Variants in SC5D observed in about 807,000 individuals in gnomAD.
The protein encoded by SC5D is lathosterol oxidase.
In SC5D, 21 loss-of-function variants were observed where a neutral mutation model predicts 23.9. The observed-to-expected ratio is 0.88, with a 90% CI of 0.62 to 1.26. The LOEUF (loss-of-function observed/expected upper bound fraction) is 1.26, where lower values mean the gene tolerates loss of function less well. Among genes scored for constraint, SC5D ranks in the 50% most tolerant of loss-of-function variants. The pLI, the probability that SC5D is intolerant of heterozygous loss-of-function variation, is 0.00. For missense variants in SC5D, 309 were observed against 364.8 expected (o/e 0.85, Z 1.25); for synonymous variants, 113 against 125.9 (o/e 0.90, Z 0.68).
Position 121,307,893 on chromosome 11 carries a change from T to C in SC5D, c.*381T>C, listed in dbSNP as rs1366762497. On this transcript the variant is annotated 3_prime_UTR_variant, in exon 5 of 5. Transcript: ENST00000264027. ...GTTTATTAAGAATCATTGTGCTTAA[T>C]AATACCAAGACTAAGCACCATAACC... 1 of 174,930 alleles carries C rather than the reference T, an allele frequency of 5.7e-6. No individual in the cohort carries two copies. The highest frequency in any genetic ancestry group is 2.4e-5 in the African/African-American group (1 of 41,770). 10.8% of individuals were successfully genotyped at this position (174,930 alleles called of 1,614,324 possible). A position where few individuals can be genotyped will look rare whatever the true frequency, so the allele number is the denominator to read the frequency against.
intron 2 of SC5D, chr11:121,304,150 G>T (rs748789561): frequency 2.0e-6 from 1 of 507,844 alleles, no homozygotes; most frequent in Non-Finnish European, 3.5e-6. Flanking sequence ...AAAGGTTTCA[G>T]AATTTGAAAT....
chr11:121,302,721 G>T (rs1279186756), intron 1 of SC5D, among the ~76,000 whole-genome samples: 1 of 152,106 alleles, frequency 6.6e-6, no homozygotes, highest in African/African-American at 2.4e-5. Context: ...TTGGCCCGTG[G>T]GCTGCAATTT....
chr11:121,293,926 T>A (rs1947871056), intron 1 of SC5D, among the ~76,000 whole-genome samples: 1 of 152,254 alleles, frequency 6.6e-6, no homozygotes. Context: ...TGTTGCTTGC[T>A]ACTGAACAAG....
chr11:121,301,190 C>G (rs1213183037), intron 1 of SC5D, among the ~76,000 whole-genome samples: 1 of 152,084 alleles, frequency 6.6e-6, no homozygotes, highest in East Asian at 1.9e-4. Flanking sequence ...GGCAAAGACT[C>G]TAAATCAGCT....
intron 2 of SC5D, chr11:121,303,791 A>G (rs1007187069): frequency 1.8e-5 from 10 of 550,830 alleles, no homozygotes; most frequent in Middle Eastern, 4.9e-4. Flanking sequence ...TAATAAAACT[A>G]TAAGTCTAGT....
intron 1 of SC5D, among the ~76,000 whole-genome samples, chr11:121,298,432 T>C (rs1947904114): frequency 6.6e-6 from 1 of 152,238 alleles, no homozygotes; most frequent in South Asian, 2.1e-4. Flanking sequence ...AATTACTTAA[T>C]GCTTGAAATG....
intron 1 of SC5D, among the ~76,000 whole-genome samples, chr11:121,294,445 C>T (rs1947875283): frequency 6.6e-6 from 1 of 152,114 alleles, no homozygotes; most frequent in African/African-American, 2.4e-5. Context: ...ATGCAAGTTA[C>T]TTAAAATTTC....
At chr11:121,301,815 G>T (rs921895114) in intron 1 of SC5D, among the ~76,000 whole-genome samples, 1 of 151,812 alleles carries the variant, frequency 6.6e-6, no homozygotes, top group Non-Finnish European at 1.5e-5. Flanking sequence ...TATTTATGTA[G>T]GGATGGAAAG....
In SC5D at chr11:121,307,138, C is replaced by G. The variant is rs777476269; in HGVS notation, c.526C>G (p.Gln176Glu). 39 of 1,614,130 alleles carry G rather than the reference C, an allele frequency of 2.4e-5. No individual in the cohort carries two copies. Among genetic ancestry groups the G allele is most frequent in the Non-Finnish European group, 3.3e-5 (39 of 1,179,980 alleles). Reference sequence around the variant, plus strand: ...TTTTCACCCTATTGATGGCTTTCTTCAGAGTCTACCTTACCATATATACCC... The same window carrying G: ...TTTTCACCCTATTGATGGCTTTCTTGAGAGTCTACCTTACCATATATACCC... The part of the protein sequence containing the change: ...HAFHPIDGFL[Q>E]SLPYHIYPFI... The change falls in exon 5 of 5, where the codon CAG becomes GAG. Residue 176 changes from glutamine to glutamate, a missense_variant. Coordinates refer to ENST00000264027, the MANE Select transcript of SC5D (RefSeq NM_006918.5).
chr11:121,301,130 A>G (rs764115878), intron 1 of SC5D, among the ~76,000 whole-genome samples: 43 of 152,168 alleles, frequency 2.8e-4, no homozygotes, highest in Middle Eastern at 3.2e-3. Context: ...CAAAAAGGCA[A>G]TCAGTCAGTA....
intron 1 of SC5D, among the ~76,000 whole-genome samples, chr11:121,293,849 GATAAC>G (rs1015578089): frequency 1.3e-5 from 2 of 152,164 alleles, no homozygotes; most frequent in African/African-American, 2.4e-5. Flanking sequence ...CATCTTGAGA[GATAAC>G]ATAACGTGGT....
chr11:121,303,367 G>T lies in SC5D; in HGVS notation c.-9G>T. 2 of 1,613,194 alleles carry T rather than the reference G, an allele frequency of 1.2e-6. No individual in the cohort carries two copies. The highest frequency in any genetic ancestry group is 2.2e-5 in the South Asian group (2 of 91,066). ...TTGTCACACATGCTTATTTTTTAGG[G>T]GCTAAGTGATGGATCTTGTACTCCG... On this transcript the variant is annotated splice_region_variant and 5_prime_UTR_variant, in exon 2 of 5. Coordinates refer to ENST00000264027, the MANE Select transcript of SC5D (RefSeq NM_006918.5).
At chr11:121,298,614 GCT>G in intron 1 of SC5D, among the ~76,000 whole-genome samples, 1 of 152,300 alleles carries the variant, frequency 6.6e-6, no homozygotes, top group Non-Finnish European at 1.5e-5. Flanking sequence ...GTCAGGAGAA[GCT>G]GATGTTGAAG....
intron 1 of SC5D, among the ~76,000 whole-genome samples, chr11:121,295,348 C>T (rs1378291796): frequency 6.6e-6 from 1 of 152,182 alleles, no homozygotes; most frequent in East Asian, 1.9e-4. Context: ...ACAGTGGGGG[C>T]TTCCAGGTTA....
Position 121,303,111 on chromosome 11 carries a change from G to C in SC5D, c.-10-255G>C, listed in dbSNP as rs189695169. ...CTGGGCTTGTGCCACTTAGCAGCTT[G>C]ATGACCTTTCCTGGGCCTCAGTTTC... On this transcript the variant is annotated intron_variant, in intron 1 of 4. Transcript: ENST00000264027. Among the ~76,000 whole-genome samples, 147 of 152,292 alleles carry C rather than the reference G, an allele frequency of 9.7e-4. 1 individual carries two copies. The highest frequency in any genetic ancestry group is 6.8e-3 in the Middle Eastern group (2 of 294).
chr11:121,294,413 A>G (rs1219301714), intron 1 of SC5D, among the ~76,000 whole-genome samples: 1 of 152,202 alleles, frequency 6.6e-6, no homozygotes, highest in African/African-American at 2.4e-5. Flanking sequence ...TAGCTCCAGC[A>G]TTTATTTACT....
chr11:121,301,917 T>A (rs1302217292), intron 1 of SC5D, among the ~76,000 whole-genome samples: 1 of 152,116 alleles, frequency 6.6e-6, no homozygotes, highest in Non-Finnish European at 1.5e-5. Context: ...AAATTTGTCA[T>A]CATTCCATCT....
rs912931466 is a variant in SC5D at position 121,308,566 on chromosome 11, A to G, written c.*1054A>G. 2 of 152,680 alleles carry G rather than the reference A, an allele frequency of 1.3e-5. No individual in the cohort carries two copies. The highest frequency in any genetic ancestry group is 2.9e-5 in the Non-Finnish European group (2 of 68,048). 9.5% of individuals were successfully genotyped at this position (152,680 alleles called of 1,614,324 possible). ...GTGTGTTGTAACAAATATATTGCAA[A>G]AACATAGTTTGTAAAGGCATTCTAT... is the stretch of plus-strand genomic sequence containing the variant. On this transcript the variant is annotated 3_prime_UTR_variant, in exon 5 of 5. Transcript: ENST00000264027.
chr11:121,312,045 T>C lies in SC5D; in HGVS notation c.*4533T>C, dbSNP rs193219567. ...AGTTATCTTTGTAAGAGTGGTAAAA[T>C]ACATTGTGTTGTTAAATAATTTCAT... On this transcript the variant is annotated 3_prime_UTR_variant, in exon 5 of 5. Coordinates refer to ENST00000264027, the MANE Select transcript of SC5D (RefSeq NM_006918.5). 1.1e-4 allele frequency among the ~76,000 whole-genome samples: 17 copies of C among 152,338 alleles called. No homozygotes were observed. The highest frequency in any genetic ancestry group is 4.1e-4 in the African/African-American group (17 of 41,578).
Sources: allele counts gnomAD v4.1 joint callset (sites outside exome capture counted in the v4.1 genomes callset), GRCh38; gene constraint gnomAD v4.1.1; transcripts MANE v1.5; gene names NCBI Gene and HGNC (gene_info 2026-07-23, HGNC 2026-07-21).